The following BBS9 variants were observed in gnomAD, a reference collection of about 807,000 sequenced individuals.
BBS9 encodes the protein protein PTHB1.
In BBS9, 89 loss-of-function variants were observed where a neutral mutation model predicts 117.7. That is an observed-to-expected ratio of 0.76 (90% CI 0.64 to 0.90). BBS9 has a LOEUF of 0.90. Among genes scored for constraint, BBS9 ranks in the 40% least tolerant of loss-of-function variants. BBS9 has a pLI of 0.00. For missense variants in BBS9, 982 were observed against 1,042.2 expected (o/e 0.94, Z 0.80); for synonymous variants, 379 against 370.9 (o/e 1.02, Z -0.25).
intron 19 of BBS9, among the ~76,000 whole-genome samples, chr7:33,438,448 T>C (rs1481737178): frequency 6.6e-6 from 1 of 152,222 alleles, no homozygotes; most frequent in African/African-American, 2.4e-5. Context: ...GAATCCGACA[T>C]AATTAAGAAT....
intron 19 of BBS9, among the ~76,000 whole-genome samples, chr7:33,494,607 G>T (rs1844470018): frequency 6.6e-6 from 1 of 152,158 alleles, no homozygotes; most frequent in African/African-American, 2.4e-5. Flanking sequence ...TGGAGTATAG[G>T]GAGGGACTTC....
At chr7:33,345,561 A>G (rs1817439391) in intron 12 of BBS9, among the ~76,000 whole-genome samples, 1 of 152,164 alleles carries the variant, frequency 6.6e-6, no homozygotes, top group African/African-American at 2.4e-5. Flanking sequence ...GAATCTTACA[A>G]CAGTTTCCTA....
intron 19 of BBS9, among the ~76,000 whole-genome samples, chr7:33,421,361 AC>A (rs1269982457): frequency 3.3e-5 from 5 of 152,208 alleles, no homozygotes; most frequent in Admixed American, 6.5e-5. Flanking sequence ...TCCCTGTCAT[AC>A]ATCATAATCA....
At chr7:33,408,616 A>T (rs1830531237) in intron 19 of BBS9, among the ~76,000 whole-genome samples, 1 of 152,140 alleles carries the variant, frequency 6.6e-6, no homozygotes, top group Non-Finnish European at 1.5e-5. Context: ...TTCACTGTTG[A>T]TGGGTACCTG....
At chr7:33,326,400 C>G (rs1812859998) in intron 9 of BBS9, among the ~76,000 whole-genome samples, 1 of 151,990 alleles carries the variant, frequency 6.6e-6, no homozygotes, top group South Asian at 2.1e-4. Flanking sequence ...CCTCTCAGGG[C>G]AGGTCCTAAA....
At chr7:33,348,089 A>G (rs753484492) in intron 12 of BBS9, among the ~76,000 whole-genome samples, 45 of 152,156 alleles carry the variant, frequency 3.0e-4, no homozygotes, top group Non-Finnish European at 5.9e-4. Flanking sequence ...AACTATCACC[A>G]CAATTTAATT....
intron 20 of BBS9, among the ~76,000 whole-genome samples, chr7:33,515,185 G>A (rs6966076): frequency 0.096 from 14,504 of 151,842 alleles, 1,712 homozygotes; most frequent in African/African-American, 0.27. Flanking sequence ...TTTTATTTTT[G>A]TTTTTGAAAG....
intron 5 of BBS9, among the ~76,000 whole-genome samples, chr7:33,197,682 G>A (rs1324694866): frequency 6.6e-6 from 1 of 151,600 alleles, no homozygotes; most frequent in Non-Finnish European, 1.5e-5. Context: ...GGACTTTTGA[G>A]TAGTTTTCAG....
intron 12 of BBS9, 127 bp from the exon 13 acceptor site, chr7:33,348,941 G>T (rs1818104827): frequency 5.9e-6 from 4 of 676,438 alleles, no homozygotes; most frequent in Admixed American, 4.2e-5. Context: ...ATTATGTTTT[G>T]TGACTACTCA....
At chr7:33,487,547 T>G (rs1843285562) in intron 19 of BBS9, among the ~76,000 whole-genome samples, 1 of 152,236 alleles carries the variant, frequency 6.6e-6, no homozygotes, top group Non-Finnish European at 1.5e-5. Flanking sequence ...AGTAAAATGA[T>G]TTGCCTGAGG....
intron 19 of BBS9, among the ~76,000 whole-genome samples, chr7:33,419,657 T>C (rs1832560464): frequency 6.6e-6 from 1 of 152,194 alleles, no homozygotes; most frequent in African/African-American, 2.4e-5. Context: ...AAATAATAAG[T>C]AGGAAATGAA....
intron 9 of BBS9, among the ~76,000 whole-genome samples, chr7:33,303,637 T>C (rs1216806939): frequency 1.3e-5 from 2 of 150,504 alleles, no homozygotes; most frequent in African/African-American, 4.9e-5. Context: ...ACCTGCCGAG[T>C]GTCTGGGATT....
At chr7:33,617,791 G>T (rs895766760) in intron 21 of BBS9, among the ~76,000 whole-genome samples, 2 of 152,200 alleles carry the variant, frequency 1.3e-5, no homozygotes, top group African/African-American at 2.4e-5. Context: ...AGACTCAATT[G>T]AGCAGAGGAA....
At position 33,320,204 on chromosome 7, in the gene BBS9, T is replaced by C. The variant is rs184215930; in HGVS notation, c.1017-16237T>C. The stretch of plus-strand genomic sequence containing the variant: ...AATACTAGATCTTATTCATTCTTCC[T>C]ATCTATATTTTTGTACCCATTATCC... On this transcript the variant is annotated intron_variant, in intron 9 of 22. Coordinates refer to ENST00000242067, the MANE Select transcript of BBS9 (RefSeq NM_198428.3). Among the ~76,000 whole-genome samples the C allele has an allele frequency of 1.8e-3, 274 of 152,290 alleles. 2 individuals are homozygous for C. Among genetic ancestry groups the C allele is most frequent in the East Asian group, 1.9e-3 (10 of 5,190 alleles).
At chr7:33,542,154 A>G (rs1436709693) in intron 21 of BBS9, among the ~76,000 whole-genome samples, 2 of 151,518 alleles carry the variant, frequency 1.3e-5, no homozygotes, top group African/African-American at 4.9e-5. Flanking sequence ...GTGCAGTCTC[A>G]GCTCACTGCA....
rs190847641 is a variant in BBS9, at chr7:33,354,319, C to T, written c.1552+1446C>T. ...ATCCATTTTATTGTCTTGATCTGTT[C>T]GGGCTGCAATGCAGATAAGCAGTTC... On this transcript the variant is annotated intron_variant, in intron 15 of 22. Transcript: ENST00000242067. Among the ~76,000 whole-genome samples the T allele has an allele frequency of 2.0e-5, 3 of 152,222 alleles. No individual in the cohort carries two copies. The East Asian group carries it at 5.8e-4, about 29-fold the overall frequency.
intron 20 of BBS9, among the ~76,000 whole-genome samples, chr7:33,510,559 A>G (rs1037245824): frequency 2.6e-5 from 4 of 152,174 alleles, no homozygotes; most frequent in South Asian, 2.1e-4. Flanking sequence ...TTCTAGGCAC[A>G]TAGCATACCT....
intron 17 of BBS9, chr7:33,379,978 G>A (rs1457057485): frequency 6.6e-6 from 1 of 152,592 alleles, no homozygotes; most frequent in African/African-American, 2.4e-5. Context: ...AGGGCTCTGA[G>A]CTCCTGAAGG....
intron 20 of BBS9, among the ~76,000 whole-genome samples, chr7:33,520,422 A>G (rs527475186): frequency 2.0e-5 from 3 of 152,326 alleles, no homozygotes; most frequent in Non-Finnish European, 4.4e-5. Flanking sequence ...AGTAAGAATA[A>G]TGGTATGGGA....
Sources: gnomAD v4.1 joint callset for allele counts (sites outside exome capture counted in the v4.1 genomes callset) on GRCh38, gnomAD v4.1.1 for gene constraint, MANE v1.5 for transcripts, NCBI Gene and HGNC (gene_info 2026-07-23, HGNC 2026-07-21) for gene names.